Variants in TCIRG1 observed in about 807,000 individuals in gnomAD.
The protein encoded by TCIRG1 is V-type proton ATPase 116 kDa subunit a 3.
Under a neutral mutation model 95.5 loss-of-function variants are expected in TCIRG1, and 86 were observed. That is an observed-to-expected ratio of 0.90 (90% confidence interval 0.76 to 1.08). TCIRG1 has a LOEUF of 1.08. Among genes scored for constraint, TCIRG1 ranks in the 50% least tolerant of loss-of-function variants. TCIRG1 has a pLI of 0.00. For missense variants in TCIRG1, 1,069 were observed against 1,140.2 expected (o/e 0.94, Z 0.90); for synonymous variants, 499 against 501.3 (o/e 1.00, Z 0.06).
rs1369734394 is a variant in TCIRG1, at chr11:68,050,676, C to T, written c.2414+12C>T. ...CTGCGGCTGCACTGGTGAGCGACCA[C>T]CCACTGGCCTGGGCTGCTCAAGGCG... On this transcript the variant is annotated intron_variant, in intron 19 of 19. Transcript: ENST00000265686. 6.2e-7 allele frequency: 1 copy of T among 1,613,468 alleles called. No individual in the cohort carries two copies. Among genetic ancestry groups the T allele is most frequent in the African/African-American group, 1.3e-5 (1 of 74,926 alleles).
Position 68,041,786 on chromosome 11 carries a change from T to C in TCIRG1, c.151T>C (p.Phe51Leu), listed in dbSNP as rs1855183006. 6.2e-7 allele frequency: 1 copy of C among 1,610,580 alleles called. No individual in the cohort carries two copies. Among genetic ancestry groups the C allele is most frequent in the Non-Finnish European group, 8.5e-7 (1 of 1,178,762 alleles). The stretch of plus-strand genomic sequence containing the variant: ...CTCGGTGAGCGCCTTCCAGAGACGC[T>C]TTGTGGTTGATGTTCGGCGCTGTGA... ...NASVSAFQRRFVVDVRRCEEL... is the reference protein window; with the variant it reads ...NASVSAFQRRLVVDVRRCEEL... Residue 51 changes from phenylalanine (F) to leucine (L), a missense_variant, in exon 3 of 20, where the codon TTT becomes CTT. Transcript: ENST00000265686.
At position 68,047,637 on chromosome 11, in the gene TCIRG1, GC is replaced by G. The variant is rs754510493; in HGVS notation, c.1306-3del. On this transcript the variant is annotated splice_polypyrimidine_tract_variant and intron_variant, in intron 11 of 19. Coordinates refer to ENST00000265686, the MANE Select transcript of TCIRG1 (RefSeq NM_006019.4). ...CCAGGCAGCCCCTCACCACACCACT[GC>G]CCCCCCAGATCTGGCAGACTTTCTT... 11 of 1,612,824 alleles carry G rather than the reference GC, an allele frequency of 6.8e-6. No individual in the cohort carries two copies. Among genetic ancestry groups the G allele is most frequent in the Admixed American group, 3.3e-5 (2 of 60,000 alleles).
intron 9 of TCIRG1, chr11:68,044,726 C>T (rs891219038): frequency 6.0e-5 from 37 of 619,078 alleles, no homozygotes; most frequent in African/African-American, 4.2e-4. Flanking sequence ...TCTCCTGGGC[C>T]GTCCCTAGGA....
intron 6 of TCIRG1, 21 bp downstream of exon 6, chr11:68,043,518 TG>T (rs1341234241): frequency 1.3e-6 from 2 of 1,581,520 alleles, no homozygotes; most frequent in Admixed American, 1.8e-5. Flanking sequence ...GGCGCTGGGC[TG>T]GGGGGTCCTG....
Position 68,043,572 on chromosome 11 carries a change from G to T in TCIRG1, c.632G>T (p.Gly211Val). Residue 211 changes from glycine to valine, a missense_variant and splice_region_variant, in exon 7 of 20, where the codon GGC becomes GTC. Transcript: ENST00000265686. ...GAGTCAGCTGAGCCTGCTCTGCAGG[G>T]CGAGCCAGCCACGTGGATGACCTTC... ...LEQPLEHPVTGEPATWMTFLI... is the reference protein window; with the variant it reads ...LEQPLEHPVTVEPATWMTFLI... 2 of 1,608,186 alleles carry T rather than the reference G, an allele frequency of 1.2e-6. No homozygotes were observed. The highest frequency in any genetic ancestry group is 1.7e-6 in the Non-Finnish European group (2 of 1,177,972).
chr11:68,041,229 G>A, intron 1 of TCIRG1, 39 bp from the exon 2 acceptor site: 6 of 1,405,226 alleles, frequency 4.3e-6, no homozygotes, highest in Non-Finnish European at 6.1e-6. Context: ...ACTGTCTGTG[G>A]TCTGCCCCTG....
At chr11:68,048,247 C>A (rs1855610264) in intron 13 of TCIRG1, 1 of 569,962 alleles carries the variant, frequency 1.8e-6, no homozygotes, top group Non-Finnish European at 3.2e-6. Context: ...GCAGCTTGCA[C>A]TGTGCCAAGC....
rs780777567 is a variant in TCIRG1, at chr11:68,050,521, C to T, written c.2271C>T (p.Arg757=). The change falls in exon 19 of 20, where the codon CGC becomes CGT. Residue 757 remains arginine, a synonymous_variant. Coordinates refer to ENST00000265686, the MANE Select transcript of TCIRG1 (RefSeq NM_006019.4). ...LSEVLWAMVM[R]IGLGLGREVG... is the part of the protein sequence containing the mutation. ...AGGTTCTGTGGGCCATGGTGATGCG[C>T]ATAGGCCTGGGCCTGGGCCGGGAGG... The T allele has an allele frequency of 2.5e-6, 4 of 1,613,698 alleles. No individual in the cohort carries two copies. Among genetic ancestry groups the T allele is most frequent in the East Asian group, 2.2e-5 (1 of 44,882 alleles).
chr11:68,040,643 C>G (rs892849806), intron 1 of TCIRG1, among the ~76,000 whole-genome samples: 3 of 152,230 alleles, frequency 2.0e-5, no homozygotes, highest in Non-Finnish European at 2.9e-5. Flanking sequence ...GCCCCCACCC[C>G]ACATCGGCCT....
chr11:68,039,320 C>G (rs1855050585), intron 1 of TCIRG1, among the ~76,000 whole-genome samples: 1 of 152,078 alleles, frequency 6.6e-6, no homozygotes, highest in Non-Finnish European at 1.5e-5. Flanking sequence ...TGTTTACCAA[C>G]ACAGCCCAGC....
At chr11:68,040,330 G>A (rs1355505786) in intron 1 of TCIRG1, among the ~76,000 whole-genome samples, 1 of 152,192 alleles carries the variant, frequency 6.6e-6, no homozygotes, top group African/African-American at 2.4e-5. Flanking sequence ...ACCCAGCCCC[G>A]CTGCCCCCTG....
Position 68,048,974 on chromosome 11 carries a change from G to A in TCIRG1, c.1650G>A (p.Val550=). The change falls in exon 14 of 20, where the codon GTG becomes GTA. Residue 550 remains valine (V), a synonymous_variant. Transcript: ENST00000265686. ...ILGVVHMAFG[V]VLGVFNHVHF... ...GCGTCGTGCACATGGCCTTTGGGGT[G>A]GTCCTCGGAGTCTTCAACCACGTGT... 6.2e-7 allele frequency: 1 copy of A among 1,613,672 alleles called. No individual in the cohort carries two copies. Among genetic ancestry groups the A allele is most frequent in the Non-Finnish European group, 8.5e-7 (1 of 1,179,984 alleles).
chr11:68,049,694 C>A lies in TCIRG1; in HGVS notation c.1919C>A (p.Ala640Asp). 1 of 1,599,992 alleles carries A rather than the reference C, an allele frequency of 6.3e-7. No homozygotes were observed. Among genetic ancestry groups the A allele is most frequent in the African/African-American group, 1.3e-5 (1 of 74,958 alleles). ...EVVQATLVVL[A>D]LAMVPILLLG... Reference sequence around the variant, plus strand: ...GTCCAGGCCACGCTGGTGGTCCTGGCCTTGGCCATGGTGCCCATCCTGCTG... The same window carrying A: ...GTCCAGGCCACGCTGGTGGTCCTGGACTTGGCCATGGTGCCCATCCTGCTG... Residue 640 changes from alanine (A) to aspartate (D), a missense_variant, in exon 16 of 20, where the codon GCC (alanine) becomes GAC (aspartate). Transcript: ENST00000265686.
At chr11:68,050,441 C>A in intron 18 of TCIRG1, 46 bp from the exon 19 acceptor site, 1 of 1,611,278 alleles carries the variant, frequency 6.2e-7, no homozygotes, top group African/African-American at 1.3e-5. Context: ...AGGGGGCTGG[C>A]AGGCACCCAC....
Position 68,049,084 on chromosome 11 carries a change from C to T in TCIRG1, c.1677C>T (p.His559=), listed in dbSNP as rs2134460170. 6.2e-7 allele frequency: 1 copy of T among 1,613,474 alleles called. No homozygotes were observed. Among genetic ancestry groups the T allele is most frequent in the Non-Finnish European group, 8.5e-7 (1 of 1,180,000 alleles). The part of the protein sequence containing the change: ...GVVLGVFNHV[H]FGQRHRLLLE... ...ACACCTCCCTCTTGCCCGCCAGGCA[C>T]TTTGGCCAGAGGCACCGGCTGCTGC... Residue 559 remains histidine, a synonymous_variant, in exon 15 of 20, where the codon CAC becomes CAT. Transcript: ENST00000265686.
Position 68,045,038 on chromosome 11 carries a change from C to A in TCIRG1, c.1101C>A (p.Phe367Leu). ...MPPTLIRTNRFTASFQGIVDA... is the reference protein window; with the variant it reads ...MPPTLIRTNRLTASFQGIVDA... ...CCACACTCATCCGCACCAACCGCTT[C>A]ACGGCCAGCTTCCAGGGCATCGTGG... The change falls in exon 10 of 20, where the codon TTC becomes TTA. Residue 367 changes from phenylalanine (F) to leucine (L), a missense_variant. Physicochemically the swap from Phe to Leu is conservative, Grantham distance 22. Transcript: ENST00000265686. 1 of 1,607,156 alleles carries A rather than the reference C, an allele frequency of 6.2e-7. No homozygotes were observed. Among genetic ancestry groups the A allele is most frequent in the South Asian group, 1.1e-5 (1 of 91,084 alleles).
Position 68,050,674 on chromosome 11 carries a change from C to G in TCIRG1, c.2414+10C>G, listed in dbSNP as rs929092673. ...CCCTGCGGCTGCACTGGTGAGCGAC[C>G]ACCCACTGGCCTGGGCTGCTCAAGG... On this transcript the variant is annotated intron_variant, in intron 19 of 19. Coordinates refer to ENST00000265686, the MANE Select transcript of TCIRG1 (RefSeq NM_006019.4). 7 of 1,613,566 alleles carry G rather than the reference C, an allele frequency of 4.3e-6. No homozygotes were observed. The highest frequency in any genetic ancestry group is 5.9e-6 in the Non-Finnish European group (7 of 1,180,008).
chr11:68,049,434 G>A (rs916782900), intron 15 of TCIRG1, 140 bp downstream of exon 15: 1 of 1,032,810 alleles, frequency 9.7e-7, no homozygotes, highest in African/African-American at 1.6e-5. Flanking sequence ...CGTCAGAGGT[G>A]ATGGTGTGCA....
intron 10 of TCIRG1, among the ~76,000 whole-genome samples, chr11:68,045,556 CTT>C (rs111244178): frequency 2.3e-4 from 32 of 141,828 alleles, no homozygotes; most frequent in Non-Finnish European, 2.2e-4. Flanking sequence ...GGTTGCACAG[CTT>C]TTTTTTTTTT....
Sources: allele counts gnomAD v4.1 joint callset (sites outside exome capture counted in the v4.1 genomes callset), GRCh38; gene constraint gnomAD v4.1.1; transcripts MANE v1.5; gene names NCBI Gene and HGNC (gene_info 2026-07-23, HGNC 2026-07-21).